The following PCNT variants were observed in gnomAD, a reference collection of about 807,000 sequenced individuals.
PCNT encodes the protein pericentrin.
PCNT carries 319 observed loss-of-function variants against 380.4 expected under a neutral mutation model. That is an observed-to-expected ratio of 0.84 (90% CI 0.77 to 0.92). The LOEUF is 0.92. Ranked by LOEUF, PCNT falls within the 40% of genes least tolerant of loss-of-function variation. PCNT has a pLI of 0.00. For synonymous variants in PCNT, 1,845 were observed against 1,735.2 expected, an observed-to-expected ratio of 1.06 and a Z score of -1.57; for missense variants, 4,400 against 4,255.3, an observed-to-expected ratio of 1.03 and a Z score of -0.95.
rs567292285 is a variant in PCNT at position 46,353,212 on chromosome 21, A to T, written c.1565A>T (p.Tyr522Phe). The T allele has an allele frequency of 6.2e-7, 1 of 1,614,132 alleles. No homozygotes were observed. The highest frequency in any genetic ancestry group is 1.1e-5 in the South Asian group (1 of 91,082). ...TCCGAACTGGAGCAACTGAGGATTT[A>T]TTTTGAAAAGAAGTTAAGGGATGCT... ...HESELEQLRI[Y>F]FEKKLRDAEK... The change falls in exon 10 of 47, where the codon TAT becomes TTT. Residue 522 changes from tyrosine (Y) to phenylalanine (F), a missense_variant. Physicochemically the swap from Tyr to Phe is conservative, Grantham distance 22 (BLOSUM62 3). Transcript: ENST00000359568.
At chr21:46,410,933 C>G (rs1438834692) in intron 27 of PCNT, among the ~76,000 whole-genome samples, 2 of 152,194 alleles carry the variant, frequency 1.3e-5, no homozygotes, top group African/African-American at 4.8e-5. Flanking sequence ...TGTAGATGTC[C>G]TTGCATGGAA....
chr21:46,349,584 T>G, intron 7 of PCNT, 100 bp from the exon 8 acceptor site: 1 of 1,313,100 alleles, frequency 7.6e-7, no homozygotes, highest in Non-Finnish European at 1.1e-6. Flanking sequence ...AGGATGGGGC[T>G]CTGGGTGGCA....
intron 41 of PCNT, among the ~76,000 whole-genome samples, chr21:46,439,787 G>C (rs2053559580): frequency 6.6e-6 from 1 of 152,152 alleles, no homozygotes; most frequent in Non-Finnish European, 1.5e-5. Context: ...CTTTGAATTT[G>C]GGGTGATTTT....
At chr21:46,356,014 C>T (rs996085731) in intron 12 of PCNT, among the ~76,000 whole-genome samples, 1 of 152,218 alleles carries the variant, frequency 6.6e-6, no homozygotes, top group African/African-American at 2.4e-5. Flanking sequence ...TACCCCAGCT[C>T]GCCTAGTCAG....
chr21:46,435,535 GTGTTT>G (rs58296456), intron 38 of PCNT, among the ~76,000 whole-genome samples: 8 of 148,480 alleles, frequency 5.4e-5, no homozygotes, highest in South Asian at 2.1e-4. Flanking sequence ...TGGCAGTTTT[GTGTTT>G]TGTTTTGTTT....
intron 2 of PCNT, among the ~76,000 whole-genome samples, chr21:46,328,271 C>CTTT (rs60896945): frequency 1.4e-5 from 2 of 145,678 alleles, no homozygotes; most frequent in Non-Finnish European, 1.5e-5. Flanking sequence ...TTTTTTTTCC[C>CTTT]GTTTTCTTTT....
In PCNT at chr21:46,324,168, G is replaced by A; in HGVS notation, c.-61G>A. 7.0e-7 allele frequency: 1 copy of A among 1,431,812 alleles called. No individual in the cohort carries two copies. The highest frequency in any genetic ancestry group is 9.7e-7 in the Non-Finnish European group (1 of 1,027,406). The allele number at this position is 1,431,812 out of a possible 1,614,324, so 88.7% of individuals were successfully genotyped here. A position where few individuals can be genotyped will look rare whatever the true frequency, so the allele number is the denominator to read the frequency against. On this transcript the variant is annotated 5_prime_UTR_variant, in exon 1 of 47. Transcript: ENST00000359568. ...GCGCGGGGGAGGGAGTGTAAATAGA[G>A]CGAAGGCTGCTCTGTGTCAGCCCCG... is the stretch of plus-strand genomic sequence containing the variant.
chr21:46,353,033 C>T (rs1485329864), intron 9 of PCNT, 71 bp from the exon 10 acceptor site: 5 of 1,272,158 alleles, frequency 3.9e-6, no homozygotes, highest in Non-Finnish European at 5.7e-6. Flanking sequence ...GGTAACCAGG[C>T]TCTTGCCTCT....
At chr21:46,399,868 G>GC in intron 25 of PCNT, 72 bp downstream of exon 25, 1 of 1,317,226 alleles carries the variant, frequency 7.6e-7, no homozygotes, top group Non-Finnish European at 1.1e-6. Context: ...CGCTGAGCTG[G>GC]CAGGGAGTGG....
rs773381593 is a variant in PCNT at position 46,389,298 on chromosome 21, G to A, written c.3707G>A (p.Ser1236Asn). 1.2e-6 allele frequency: 2 copies of A among 1,614,258 alleles called. No homozygotes were observed. The highest frequency in any genetic ancestry group is 1.1e-5 in the South Asian group (1 of 91,082). The change falls in exon 19 of 47, where the codon AGC becomes AAC. Residue 1236 changes from serine to asparagine, a missense_variant. Transcript: ENST00000359568. ...ATGTCTTCCGTGGCTGAAATTAGCA[G>A]CCACATGCGTGAAAGCTTTCTCATG... ...AEMSSVAEIS[S>N]HMRESFLMSP... is the part of the protein sequence containing the mutation.
intron 39 of PCNT, among the ~76,000 whole-genome samples, 196 bp downstream of exon 39, chr21:46,436,344 A>G (rs545891406): frequency 6.6e-6 from 1 of 152,284 alleles, no homozygotes; most frequent in African/African-American, 2.4e-5. Flanking sequence ...TGTCAGAGAA[A>G]AAAATCCTGT....
intron 38 of PCNT, 79 bp downstream of exon 38, chr21:46,432,294 G>A (rs745361559): frequency 1.7e-4 from 239 of 1,389,950 alleles, no homozygotes; most frequent in Non-Finnish European, 2.1e-4. Context: ...CGTGGGGGAC[G>A]CGAGATTTAT....
intron 15 of PCNT, among the ~76,000 whole-genome samples, chr21:46,372,803 C>T (rs1268663458): frequency 6.6e-6 from 1 of 152,148 alleles, no homozygotes; most frequent in Non-Finnish European, 1.5e-5. Flanking sequence ...GGACACTGGC[C>T]CCTCAGTCCT....
intron 15 of PCNT, 51 bp downstream of exon 15, chr21:46,367,190 C>A (rs2084958634): frequency 6.7e-7 from 1 of 1,496,622 alleles, no homozygotes; most frequent in African/African-American, 1.4e-5. Flanking sequence ...TCCTCGCTGC[C>A]TGTGTGTTTC....
chr21:46,326,838 A>T (rs1601735900), intron 2 of PCNT, among the ~76,000 whole-genome samples: 1 of 151,744 alleles, frequency 6.6e-6, no homozygotes, highest in Admixed American at 6.6e-5. Context: ...ACATGGAGAA[A>T]CCCTGTCTAT....
At chr21:46,346,025 T>C in intron 3 of PCNT, 103 bp from the exon 4 acceptor site, 2 of 1,091,568 alleles carry the variant, frequency 1.8e-6, no homozygotes, top group African/African-American at 1.5e-5. Flanking sequence ...TGTGAACAGC[T>C]GCGAACGGGG....
At position 46,385,965 on chromosome 21, in the gene PCNT, A is replaced by T; in HGVS notation, c.3446A>T (p.Asn1149Ile). 1.2e-6 allele frequency: 2 copies of T among 1,614,118 alleles called. No individual in the cohort carries two copies. The change falls in exon 17 of 47, where the codon AAC (asparagine) becomes ATC (isoleucine). Residue 1149 changes from asparagine (N) to isoleucine (I), a missense_variant. Transcript: ENST00000359568. ...CTCTCCATGCTCAAGGCCGACGTCA[A>T]CCTGTCCCACAGCGAAAGGTCAGTG... ...NLLSMLKADV[N>I]LSHSERGALQ...
In PCNT at chr21:46,359,387, T is replaced by TCTG. The variant is rs1473109587; in HGVS notation, c.2154+2197_2154+2199dup. On this transcript the variant is annotated intron_variant, in intron 13 of 46. Coordinates refer to ENST00000359568, the MANE Select transcript of PCNT (RefSeq NM_006031.6). ...ATTCTTGTTTTGAGTATGTGGAAGC[T>TCTG]CTGTTGTTACACGTGTACACATTTG... 2.7e-5 allele frequency among the ~76,000 whole-genome samples: 4 copies of TCTG among 145,516 alleles called. 1 individual carries two copies. The highest frequency in any genetic ancestry group is 1.0e-4 in the African/African-American group (4 of 39,500).
At chr21:46,374,291 C>G (rs978582260) in intron 15 of PCNT, among the ~76,000 whole-genome samples, 1 of 152,040 alleles carries the variant, frequency 6.6e-6, no homozygotes, top group South Asian at 2.1e-4. Flanking sequence ...AGGTGTTTTC[C>G]CCCAATACAG....
Sources: allele counts gnomAD v4.1 joint callset (sites outside exome capture counted in the v4.1 genomes callset), GRCh38; gene constraint gnomAD v4.1.1; transcripts MANE v1.5; gene names NCBI Gene and HGNC (gene_info 2026-07-23, HGNC 2026-07-21).